ALPK2: variants seen among roughly 807,000 people sequenced by gnomAD.
The protein encoded by ALPK2 is alpha-protein kinase 2.
A neutral mutation model predicts 163.1 loss-of-function variants in ALPK2; 127 were observed. The ratio of observed to expected loss-of-function variants is 0.78; its 90% confidence interval spans 0.67 to 0.90. ALPK2 has a LOEUF of 0.90. ALPK2 is among the 40% of genes least tolerant of loss of function. ALPK2 has a pLI of 0.00. For missense variants in ALPK2, 2,360 were observed against 2,589.6 expected (o/e 0.91, Z 1.92); for synonymous variants, 953 against 959.1 (o/e 0.99, Z 0.12).
intron 4 of ALPK2, among the ~76,000 whole-genome samples, chr18:58,573,477 A>G (rs1306707155): frequency 6.7e-6 from 1 of 148,992 alleles, no homozygotes; most frequent in Non-Finnish European, 1.5e-5. Context: ...TCCTGGGCTC[A>G]AGCGAGTCCA....
intron 12 of ALPK2, among the ~76,000 whole-genome samples, chr18:58,492,154 C>CACACACACA (rs1568064913): frequency 6.6e-6 from 1 of 152,124 alleles, no homozygotes. Flanking sequence ...TAGACACACA[C>CACACACACA]ACACACACAA....
intron 4 of ALPK2, among the ~76,000 whole-genome samples, chr18:58,548,999 C>T (rs534587004): frequency 1.1e-4 from 16 of 152,258 alleles, no homozygotes; most frequent in African/African-American, 3.1e-4. Flanking sequence ...CAGGCTCCTG[C>T]GTTTTGGTTA....
intron 3 of ALPK2, among the ~76,000 whole-genome samples, chr18:58,596,374 A>G (rs1328993724): frequency 6.6e-6 from 1 of 152,226 alleles, no homozygotes; most frequent in African/African-American, 2.4e-5. Flanking sequence ...GAGCCGAGGC[A>G]GCCACTAGCA....
intron 2 of ALPK2, among the ~76,000 whole-genome samples, chr18:58,610,772 C>T (rs1434320018): frequency 6.6e-6 from 1 of 151,280 alleles, no homozygotes; most frequent in Non-Finnish European, 1.5e-5. Context: ...AACCACCCCC[C>T]TCCCCCCGTC....
chr18:58,598,467 C>T (rs1208475350), intron 3 of ALPK2, among the ~76,000 whole-genome samples: 2 of 152,202 alleles, frequency 1.3e-5, no homozygotes, highest in African/African-American at 4.8e-5. Flanking sequence ...GCAGGAGAGG[C>T]TCCCAGGCAG....
chr18:58,528,029 C>G (rs868096271), intron 6 of ALPK2, among the ~76,000 whole-genome samples: 1 of 152,098 alleles, frequency 6.6e-6, no homozygotes, highest in Non-Finnish European at 1.5e-5. Context: ...AACTGGGAAC[C>G]CTTTGGCAGA....
chr18:58,574,128 T>C (rs2051906120), intron 4 of ALPK2, among the ~76,000 whole-genome samples: 1 of 152,042 alleles, frequency 6.6e-6, no homozygotes, highest in African/African-American at 2.4e-5. Flanking sequence ...ATCTCCAGCA[T>C]TCACAAGAGA....
Position 58,579,450 on chromosome 18 carries a change from T to G in ALPK2, c.1326A>C (p.Ser442=), listed in dbSNP as rs114432784. Residue 442 remains serine, a synonymous_variant, in exon 4 of 13, where the codon TCA becomes TCC. Transcript: ENST00000361673. ...GTTTATATCTCCCCTGTTCTGTCAC[T>G]GAAGACGTTCCATCCTGGTGAGGTC... ...ILGPHQDGTS[S]VTEQGRYKLP... The G allele has an allele frequency of 0.011, 17,953 of 1,614,178 alleles. 303 individuals are homozygous for G. The highest frequency in any genetic ancestry group is 0.075 in the East Asian group (3,383 of 44,890).
At chr18:58,569,802 G>A (rs1342642970) in intron 4 of ALPK2, among the ~76,000 whole-genome samples, 2 of 152,190 alleles carry the variant, frequency 1.3e-5, no homozygotes, top group African/African-American at 4.8e-5. Context: ...CAAGAGGCAT[G>A]CTGGCCACAC....
chr18:58,526,519 C>T (rs1250222164), intron 6 of ALPK2, among the ~76,000 whole-genome samples: 1 of 152,148 alleles, frequency 6.6e-6, no homozygotes, highest in African/African-American at 2.4e-5. Context: ...TAGGGCCGCT[C>T]TACGTGGACA....
chr18:58,585,239 A>G (rs2051979410), intron 3 of ALPK2, among the ~76,000 whole-genome samples: 1 of 152,224 alleles, frequency 6.6e-6, no homozygotes, highest in Non-Finnish European at 1.5e-5. Flanking sequence ...TATATGGGTT[A>G]TATCTGTCAA....
Position 58,536,379 on chromosome 18 carries a change from C to T in ALPK2, c.3808G>A (p.Asp1270Asn). 1.9e-6 allele frequency: 3 copies of T among 1,614,168 alleles called. No individual in the cohort carries two copies. Among genetic ancestry groups the T allele is most frequent in the Non-Finnish European group, 2.5e-6 (3 of 1,180,024 alleles). ...CTATCAGGTACAGCCCAGACCTTGT[C>T]AGGAATTATGAGACCACCGTCTGAT... ...KASDGGLIIP[D>N]KVWAVPDSLK... is the part of the protein sequence containing the mutation. The change falls in exon 5 of 13, where the codon GAC (aspartate) becomes AAC (asparagine). Residue 1270 changes from aspartate (D) to asparagine (N), a missense_variant. Physicochemically the swap from Asp to Asn is conservative, Grantham distance 23. Transcript: ENST00000361673.
chr18:58,623,371 T>G (rs1346591847), intron 1 of ALPK2, among the ~76,000 whole-genome samples: 2 of 151,992 alleles, frequency 1.3e-5, no homozygotes, highest in African/African-American at 4.8e-5. Flanking sequence ...TTATCTAATC[T>G]TGTTCTAGTA....
chr18:58,486,670 G>C (rs915055420), intron 12 of ALPK2, among the ~76,000 whole-genome samples: 1 of 152,122 alleles, frequency 6.6e-6, no homozygotes, highest in African/African-American at 2.4e-5. Context: ...TTTCTCAGGT[G>C]CAGACTTTTC....
intron 8 of ALPK2, among the ~76,000 whole-genome samples, chr18:58,520,698 C>A (rs1282569741): frequency 1.3e-5 from 2 of 152,158 alleles, no homozygotes; most frequent in African/African-American, 4.8e-5. Context: ...TCATTTGGTC[C>A]ATCATTCATT....
At chr18:58,598,083 G>A (rs1479516622) in intron 3 of ALPK2, among the ~76,000 whole-genome samples, 3 of 152,250 alleles carry the variant, frequency 2.0e-5, no homozygotes, top group African/African-American at 7.2e-5. Flanking sequence ...TGGTAGGGTA[G>A]CTCAAGCTGA....
At chr18:58,604,505 G>T (rs2052088119) in intron 3 of ALPK2, among the ~76,000 whole-genome samples, 2 of 152,206 alleles carry the variant, frequency 1.3e-5, no homozygotes, top group Admixed American at 6.5e-5. Flanking sequence ...CCAAGCATCA[G>T]TGGGTTTTAA....
At chr18:58,557,608 A>T (rs145700624) in intron 4 of ALPK2, among the ~76,000 whole-genome samples, 2 of 152,098 alleles carry the variant, frequency 1.3e-5, no homozygotes, top group African/African-American at 4.8e-5. Flanking sequence ...GAGAAAAAGA[A>T]TTATATATAA....
Position 58,579,028 on chromosome 18 carries a change from GTC to G in ALPK2, c.1746_1747del (p.Glu582AspfsTer16). The G allele has an allele frequency of 1.2e-6, 2 of 1,614,214 alleles. No homozygotes were observed. Among genetic ancestry groups the G allele is most frequent in the Non-Finnish European group, 1.7e-6 (2 of 1,180,034 alleles). ...AGTCGCTGCTGCTGTGGTGTGAGAA[GTC>G]TCTCTTTTATCACTCTGGGTTAGTG... On this transcript the variant is annotated frameshift_variant, in exon 4 of 13. Coordinates refer to ENST00000361673, the MANE Select transcript of ALPK2 (RefSeq NM_052947.4). LOFTEE classifies it high-confidence loss of function.
Sources: gnomAD v4.1 joint callset for allele counts (sites outside exome capture counted in the v4.1 genomes callset) on GRCh38, gnomAD v4.1.1 for gene constraint, MANE v1.5 for transcripts, NCBI Gene and HGNC (gene_info 2026-07-23, HGNC 2026-07-21) for gene names.